The following DMD variants were observed in gnomAD, a reference collection of about 807,000 sequenced individuals.
DMD encodes the protein dystrophin.
DMD carries 63 observed loss-of-function variants against 330.1 expected under a neutral mutation model. The ratio of observed to expected loss-of-function variants is 0.19; its 90% CI spans 0.16 to 0.24. The LOEUF (loss-of-function observed/expected upper bound fraction) is 0.24. DMD is among the 10% of genes least tolerant of loss of function. DMD has a pLI of 1.00. For synonymous variants in DMD, 1,223 were observed against 959.8 expected, an observed-to-expected ratio of 1.27 and a Z score of -5.07; for missense variants, 3,344 against 2,684.1, an observed-to-expected ratio of 1.25 and a Z score of -5.43.
At chrX:33,129,325 C>CTTTTTTTGTTTTTTTTTT (rs2095483980) in intron 1 of DMD, among the ~76,000 whole-genome samples, 1 of 30,715 alleles carries the variant, frequency 3.3e-5, no homozygotes, top group African/African-American at 1.4e-4. Flanking sequence ...TTAAGGTTTG[C>CTTTTTTTGTTTTTTTTTT]TTTTTTTTTT....
At chrX:32,916,606 A>G (rs1018684876) in intron 2 of DMD, among the ~76,000 whole-genome samples, 2 of 111,763 alleles carry the variant, frequency 1.8e-5, no homozygotes, top group Admixed American at 1.9e-4. Flanking sequence ...ATACCTTACT[A>G]AAACCCATAG....
At chrX:31,654,034 A>G (rs1394577281) in intron 54 of DMD, among the ~76,000 whole-genome samples, 1 of 111,983 alleles carries the variant, frequency 8.9e-6, no homozygotes, top group Non-Finnish European at 1.9e-5. Context: ...GATCATATCA[A>G]AAGCCACTGT....
intron 2 of DMD, among the ~76,000 whole-genome samples, chrX:32,894,121 A>G (rs1408172948): frequency 8.9e-6 from 1 of 112,029 alleles, no homozygotes; most frequent in East Asian, 2.8e-4. Flanking sequence ...AATTAATGCT[A>G]TTTAAAACCA....
chrX:33,306,177 A>T (rs185404585), intron 1 of DMD, among the ~76,000 whole-genome samples: 1 of 111,935 alleles, frequency 8.9e-6, no homozygotes, highest in African/African-American at 3.2e-5. Context: ...CTTTCTCCCT[A>T]TGCAGTTGTC....
chrX:33,339,137 G>C (rs974626473), intron 1 of DMD: 92 of 782,361 alleles, frequency 1.2e-4, no homozygotes, highest in Non-Finnish European at 1.5e-4. Context: ...AACACTGTTT[G>C]CAGAGTTTGA....
chrX:32,319,954 TA>T (rs2097603210), intron 41 of DMD, among the ~76,000 whole-genome samples: 1 of 110,811 alleles, frequency 9.0e-6, no homozygotes, highest in Non-Finnish European at 1.9e-5. Context: ...AGCTTGGGAA[TA>T]CTTGCTATAG....
intron 57 of DMD, among the ~76,000 whole-genome samples, chrX:31,481,044 A>AAAATG (rs955908012): frequency 1.8e-5 from 2 of 112,389 alleles, no homozygotes; most frequent in Non-Finnish European, 3.8e-5. Context: ...GAGTCATAGG[A>AAAATG]CATAGTGCAG....
intron 2 of DMD, among the ~76,000 whole-genome samples, chrX:32,918,306 C>T (rs2088045615): frequency 1.8e-5 from 2 of 111,592 alleles, no homozygotes; most frequent in Admixed American, 9.6e-5. Flanking sequence ...AAATCTAAGT[C>T]CTATTTAATC....
intron 54 of DMD, among the ~76,000 whole-genome samples, chrX:31,641,030 C>A (rs775850498): frequency 8.1e-5 from 9 of 111,538 alleles, no homozygotes; most frequent in Non-Finnish European, 1.7e-4. Flanking sequence ...GAGCAGGAGA[C>A]CTGGAAAAGT....
chrX:32,735,551 C>A (rs1326269158), intron 7 of DMD, among the ~76,000 whole-genome samples: 2 of 111,345 alleles, frequency 1.8e-5, no homozygotes, highest in African/African-American at 6.6e-5. Context: ...CAGCATGGTA[C>A]TGGTACCAAA....
intron 7 of DMD, among the ~76,000 whole-genome samples, chrX:32,732,567 G>T (rs1217640539): frequency 1.8e-5 from 2 of 111,542 alleles, no homozygotes; most frequent in East Asian, 5.7e-4. Flanking sequence ...GGATCTCTCG[G>T]CAGACACCCT....
At chrX:32,160,258 G>A (rs1018771892) in intron 44 of DMD, among the ~76,000 whole-genome samples, 1 of 106,986 alleles carries the variant, frequency 9.3e-6, no homozygotes, top group Admixed American at 1.0e-4. Flanking sequence ...TTTGAAGACA[G>A]GGTCTCACTC....
At position 32,759,854 on chromosome X, in the gene DMD, GGGGGGC is replaced by G. The variant is rs1468989669; in HGVS notation, c.649+49633_649+49638del. On this transcript the variant is annotated intron_variant, in intron 7 of 78. Coordinates refer to ENST00000357033, the MANE Select transcript of DMD (RefSeq NM_004006.3). ...ATGCAGGTTTTTCTTGGGGGGGGGG[GGGGGGC>G]GGGGGAAGACCCAGGCAGGCCCATG... Among the ~76,000 whole-genome samples, 400 of 62,899 alleles carry G rather than the reference GGGGGGC, an allele frequency of 6.4e-3. 9 individuals carry two copies. Among genetic ancestry groups the G allele is most frequent in the African/African-American group, 0.012 (168 of 13,574 alleles). The allele number at this position is 62,899 out of a possible 115,157, so 54.6% of individuals were successfully genotyped here. A position where few individuals can be genotyped will look rare whatever the true frequency, so the allele number is the denominator to read the frequency against.
intron 25 of DMD, among the ~76,000 whole-genome samples, chrX:32,456,578 TTGTGTGTGTGTGTGTGTGTG>T (rs60876331): frequency 8.9e-5 from 8 of 89,506 alleles, no homozygotes; most frequent in Middle Eastern, 0.012. Context: ...CATACATACT[TTGTGTGTGTGTGTGTGTGTG>T]TGTGTGTGTG....
At chrX:31,972,768 A>C (rs1270114961) in intron 44 of DMD, among the ~76,000 whole-genome samples, 2 of 111,742 alleles carry the variant, frequency 1.8e-5, no homozygotes, top group Non-Finnish European at 3.8e-5. Flanking sequence ...GAGTTTACTG[A>C]TTGGTCAAGA....
intron 21 of DMD, 35 bp downstream of exon 21, chrX:32,484,884 A>G: frequency 1.7e-6 from 2 of 1,193,907 alleles, no homozygotes; most frequent in East Asian, 3.0e-5. Context: ...CATTTTGGAA[A>G]ATGTCAAGTT....
In DMD at chrX:32,464,505, C is replaced by A. The variant is rs191410456; in HGVS notation, c.3276+81G>T. The A allele has an allele frequency of 4.9e-5, 38 of 770,458 alleles. No homozygotes were observed. In the Admixed American group the frequency reaches 7.2e-4, roughly 15 times the overall value. 63.5% of individuals were successfully genotyped at this position (770,458 alleles called of 1,213,427 possible). ...ACTGGGGAGAGGAGAGCAAAATCCACCCCAGCTGTAAAACACTGATCTAAC... is the reference window on the plus strand; with the variant it reads ...ACTGGGGAGAGGAGAGCAAAATCCAACCCAGCTGTAAAACACTGATCTAAC... On this transcript the variant is annotated intron_variant, in intron 24 of 78. Transcript: ENST00000357033.
rs1418343361 is a variant in DMD, at chrX:31,120,398, C to CAA, written c.*1519_*1520dup. The CAA allele has an allele frequency of 9.0e-6, 1 of 111,705 alleles. No individual in the cohort carries two copies. The highest frequency in any genetic ancestry group is 1.9e-5 in the Non-Finnish European group (1 of 53,057). The allele number at this position is 111,705 out of a possible 1,213,427, so 9.2% of individuals were successfully genotyped here. A position where few individuals can be genotyped will look rare whatever the true frequency, so the allele number is the denominator to read the frequency against. On this transcript the variant is annotated 3_prime_UTR_variant, in exon 79 of 79. Coordinates refer to ENST00000357033, the MANE Select transcript of DMD (RefSeq NM_004006.3). ...GTGTGGAACTACTCGCAGAGAAATG[C>CAA]AAAGGATGGAAACACAGTTCATGGG...
intron 2 of DMD, among the ~76,000 whole-genome samples, chrX:32,972,787 C>G (rs1412466377): frequency 1.8e-5 from 2 of 111,694 alleles, no homozygotes; most frequent in Non-Finnish European, 3.8e-5. Context: ...ATAATGGTGT[C>G]TAATTCATAG....
Sources: gnomAD v4.1 joint callset for allele counts (sites outside exome capture counted in the v4.1 genomes callset) on GRCh38, gnomAD v4.1.1 for gene constraint, MANE v1.5 for transcripts, NCBI Gene and HGNC (gene_info 2026-07-23, HGNC 2026-07-21) for gene names.